The following DNM3 variants were observed in gnomAD, a reference collection of about 807,000 sequenced individuals.
DNM3 encodes the protein dynamin 3, also known as dynamin-3.
A neutral mutation model predicts 101.6 loss-of-function variants in DNM3; 47 were observed. The observed-to-expected ratio is 0.46, with a 90% CI of 0.37 to 0.59. The LOEUF (loss-of-function observed/expected upper bound fraction) is 0.59, where lower values mean the gene tolerates loss of function less well. Ranked by LOEUF, DNM3 falls within the 20% of genes least tolerant of loss-of-function variation. The pLI, the probability that DNM3 is intolerant of heterozygous loss-of-function variation, is 0.00. For synonymous variants in DNM3, 385 were observed against 387.9 expected (o/e 0.99, Z 0.09); for missense variants, 849 against 1,085.7 (o/e 0.78, Z 3.06).
chr1:171,850,767 GT>G (rs367677909), intron 1 of DNM3, among the ~76,000 whole-genome samples: 2,146 of 139,804 alleles, frequency 0.015, 49 homozygotes, highest in African/African-American at 0.05. Context: ...TTAGGGCTTT[GT>G]TTTTTTTTTT....
chr1:172,232,740 A>G (rs536941124), intron 14 of DNM3, among the ~76,000 whole-genome samples: 72 of 152,346 alleles, frequency 4.7e-4, no homozygotes, highest in Non-Finnish European at 8.8e-4. Flanking sequence ...AAACTCACTC[A>G]AAACCGCTCA....
At position 171,968,642 on chromosome 1, in the gene DNM3, A is replaced by G. The variant is rs984431919; in HGVS notation, c.236-19014A>G. ...GTGGTGTGGAACTTCAGCTTGAGTG[A>G]CCCCATTTTGGCTTGGTATGTGTTG... is the stretch of plus-strand genomic sequence containing the variant. On this transcript the variant is annotated intron_variant, in intron 2 of 20. Coordinates refer to ENST00000627582, the MANE Select transcript of DNM3 (RefSeq NM_015569.5). Among the ~76,000 whole-genome samples the G allele has an allele frequency of 2.0e-5, 3 of 152,018 alleles. No individual in the cohort carries two copies. The East Asian group carries it at 5.8e-4, about 29-fold the overall frequency.
chr1:172,304,205 G>GAAAAAAAAAAAAAAAA (rs1573379110), intron 15 of DNM3, among the ~76,000 whole-genome samples: 2 of 44,256 alleles, frequency 4.5e-5, no homozygotes, highest in African/African-American at 6.7e-4. Context: ...CAAAAGGAAA[G>GAAAAAAAAAAAAAAAA]CAAAAAAAAA....
chr1:172,113,544 T>TG (rs1474233436), intron 13 of DNM3, among the ~76,000 whole-genome samples: 2 of 125,780 alleles, frequency 1.6e-5, no homozygotes, highest in Non-Finnish European at 3.1e-5. Context: ...CACTTGAACC[T>TG]GGGGGGCGGA....
At chr1:172,220,091 A>C (rs2060853205) in intron 14 of DNM3, among the ~76,000 whole-genome samples, 1 of 152,166 alleles carries the variant, frequency 6.6e-6, no homozygotes, top group Non-Finnish European at 1.5e-5. Flanking sequence ...GCAAACCCAG[A>C]ATTCATTGCA....
intron 1 of DNM3, among the ~76,000 whole-genome samples, chr1:171,919,107 G>A (rs566371864): frequency 3.9e-4 from 59 of 151,980 alleles, no homozygotes; most frequent in African/African-American, 1.3e-3. Flanking sequence ...TGGTCCTCAC[G>A]GCTCAAACAG....
chr1:172,377,743 C>G (rs1473105703), intron 17 of DNM3, among the ~76,000 whole-genome samples: 2 of 151,670 alleles, frequency 1.3e-5, no homozygotes, highest in African/African-American at 4.8e-5. Flanking sequence ...AGTCCCAAAT[C>G]ATGAGGTCAT....
At chr1:171,883,363 CCACACACACACACA>C (rs71107337) in intron 1 of DNM3, among the ~76,000 whole-genome samples, 2,424 of 119,970 alleles carry the variant, frequency 0.02, 55 homozygotes, top group African/African-American at 0.072. Context: ...CAAAAAAGGA[CCACACACACACACA>C]CACACACACA....
chr1:172,371,161 A>AT (rs1170985157), intron 17 of DNM3, among the ~76,000 whole-genome samples: 3 of 151,946 alleles, frequency 2.0e-5, no homozygotes, highest in African/African-American at 7.2e-5. Flanking sequence ...AATACCTGCT[A>AT]TTTTGGAATA....
At chr1:171,955,940 A>G (rs2042826949) in intron 2 of DNM3, among the ~76,000 whole-genome samples, 1 of 152,118 alleles carries the variant, frequency 6.6e-6, no homozygotes, top group Non-Finnish European at 1.5e-5. Flanking sequence ...AAAATGATCA[A>G]TCTCATGAGG....
intron 14 of DNM3, among the ~76,000 whole-genome samples, chr1:172,222,102 T>C (rs1233832534): frequency 6.6e-6 from 1 of 152,146 alleles, no homozygotes; most frequent in East Asian, 1.9e-4. Context: ...TTCAAACATC[T>C]TGAGCAACAG....
chr1:172,180,075 G>T (rs2059290537), intron 14 of DNM3, among the ~76,000 whole-genome samples: 1 of 151,994 alleles, frequency 6.6e-6, no homozygotes, highest in Non-Finnish European at 1.5e-5. Flanking sequence ...CTGTTACCTG[G>T]CTGCTCTTGT....
At chr1:172,416,000 A>T (rs189024840), downstream of DNM3, among the ~76,000 whole-genome samples, 12 of 152,248 alleles carry the variant, frequency 7.9e-5, no homozygotes, top group East Asian at 1.9e-3. Flanking sequence ...TATAAATTAC[A>T]CCCATGTTCC....
At chr1:172,098,323 A>G (rs2054392373) in intron 13 of DNM3, among the ~76,000 whole-genome samples, 1 of 152,192 alleles carries the variant, frequency 6.6e-6, no homozygotes, top group Non-Finnish European at 1.5e-5. Flanking sequence ...GAACTCAGCC[A>G]TATTTCTCCC....
At chr1:172,219,322 A>C (rs1422129741) in intron 14 of DNM3, among the ~76,000 whole-genome samples, 1 of 144,524 alleles carries the variant, frequency 6.9e-6, no homozygotes, top group Admixed American at 7.2e-5. Context: ...AGATTGCATC[A>C]CTGCACTGCA....
intron 2 of DNM3, among the ~76,000 whole-genome samples, chr1:171,945,671 A>G (rs968127279): frequency 8.5e-5 from 13 of 152,156 alleles, no homozygotes; most frequent in African/African-American, 3.1e-4. Context: ...TTTGAAAATT[A>G]CTGAAAAGTG....
chr1:171,886,549 A>T (rs893815958), intron 1 of DNM3, among the ~76,000 whole-genome samples: 14 of 152,074 alleles, frequency 9.2e-5, no homozygotes, highest in African/African-American at 3.4e-4. Context: ...TTTTTTAAAG[A>T]ATCTATGGCC....
chr1:172,344,314 T>C (rs1169661157), intron 17 of DNM3, among the ~76,000 whole-genome samples: 1 of 152,232 alleles, frequency 6.6e-6, no homozygotes, highest in Admixed American at 6.5e-5. Flanking sequence ...CCAGGTTATG[T>C]TACCCTTTTA....
chr1:172,011,738 T>C (rs1325135446), intron 4 of DNM3, among the ~76,000 whole-genome samples: 1 of 152,090 alleles, frequency 6.6e-6, no homozygotes, highest in Non-Finnish European at 1.5e-5. Flanking sequence ...TTCTATTGTT[T>C]GTATCACAAA....
Sources: gnomAD v4.1 joint callset for allele counts (sites outside exome capture counted in the v4.1 genomes callset) on GRCh38, gnomAD v4.1.1 for gene constraint, MANE v1.5 for transcripts, NCBI Gene and HGNC (gene_info 2026-07-23, HGNC 2026-07-21) for gene names.